DPYSL3: variants seen among roughly 807,000 people sequenced by gnomAD.
The protein encoded by DPYSL3 is dihydropyrimidinase like 3, also known as dihydropyrimidinase-related protein 3.
DPYSL3 carries 16 observed loss-of-function variants against 66.1 expected under a neutral mutation model. The observed-to-expected ratio is 0.24, with a 90% CI of 0.16 to 0.37. The LOEUF is 0.37. DPYSL3 is among the 10% of genes least tolerant of loss of function. DPYSL3 has a pLI of 1.00. For synonymous variants in DPYSL3, 338 were observed against 345.1 expected (o/e 0.98, Z 0.23); for missense variants, 738 against 916.2 (o/e 0.81, Z 2.51).
At chr5:147,411,183 A>G (rs764752242) in intron 6 of DPYSL3, among the ~76,000 whole-genome samples, 8 of 152,180 alleles carry the variant, frequency 5.3e-5, no homozygotes, top group Non-Finnish European at 1.0e-4. Flanking sequence ...TGGGCTCTCT[A>G]AAGAAAATGA....
chr5:147,480,689 T>C (rs991399221), intron 1 of DPYSL3, among the ~76,000 whole-genome samples: 1 of 142,442 alleles, frequency 7.0e-6, no homozygotes, highest in African/African-American at 2.7e-5. Context: ...AGTGCACACA[T>C]CATGAATATA....
rs1395427337 is a variant in DPYSL3 at position 147,399,268 on chromosome 5, A to G, written c.1453-16T>C. 2 of 1,612,414 alleles carry G rather than the reference A, an allele frequency of 1.2e-6. No homozygotes were observed. The highest frequency in any genetic ancestry group is 4.5e-5 in the East Asian group (2 of 44,866). On this transcript the variant is annotated splice_polypyrimidine_tract_variant and intron_variant, in intron 10 of 13. Transcript: ENST00000343218. ...TCCCTGTGGCCTATTGAAATATAAG[A>G]AATTATATCTATATCTATAGCTACA...
At chr5:147,452,939 A>C (rs2078128) in intron 1 of DPYSL3, among the ~76,000 whole-genome samples, 1,647 of 150,174 alleles carry the variant, frequency 0.011, 47 homozygotes, top group African/African-American at 0.039. Context: ...AAAGTTGATC[A>C]TTCCCACTGC....
At chr5:147,409,937 G>A (rs576915681) in intron 6 of DPYSL3, among the ~76,000 whole-genome samples, 3 of 152,126 alleles carry the variant, frequency 2.0e-5, no homozygotes, top group Non-Finnish European at 4.4e-5. Flanking sequence ...AAGAGGAGTA[G>A]AAAGGAAAAT....
chr5:147,456,209 A>G (rs912759900), intron 1 of DPYSL3, among the ~76,000 whole-genome samples: 1 of 152,244 alleles, frequency 6.6e-6, no homozygotes, highest in Non-Finnish European at 1.5e-5. Flanking sequence ...TTCCTTGGCC[A>G]TAAGAAAGGC....
chr5:147,457,418 A>G (rs1463852891), intron 1 of DPYSL3, among the ~76,000 whole-genome samples: 3 of 152,222 alleles, frequency 2.0e-5, no homozygotes, highest in Admixed American at 2.0e-4. Flanking sequence ...GAATGTAAGA[A>G]TTTTTTAAAA....
intron 1 of DPYSL3, among the ~76,000 whole-genome samples, chr5:147,493,491 C>A (rs1753447562): frequency 6.6e-6 from 1 of 151,874 alleles, no homozygotes; most frequent in South Asian, 2.1e-4. Context: ...GAGGGAAGAT[C>A]ACTTGGGCCT....
At chr5:147,474,042 C>T (rs1481494053) in intron 1 of DPYSL3, among the ~76,000 whole-genome samples, 1 of 152,020 alleles carries the variant, frequency 6.6e-6, no homozygotes, top group Non-Finnish European at 1.5e-5. Flanking sequence ...TCTATCCTGG[C>T]TACATAAAAT....
At chr5:147,419,014 T>C (rs1281896560) in intron 2 of DPYSL3, among the ~76,000 whole-genome samples, 1 of 152,168 alleles carries the variant, frequency 6.6e-6, no homozygotes, top group Non-Finnish European at 1.5e-5. Flanking sequence ...CTAAAGAGTA[T>C]AAAATAGTGC....
intron 1 of DPYSL3, among the ~76,000 whole-genome samples, chr5:147,496,798 G>A (rs1459935926): frequency 1.3e-5 from 2 of 151,788 alleles, no homozygotes; most frequent in African/African-American, 4.8e-5. Context: ...TTACACTGTT[G>A]GTGGGACTGT....
rs1031781681 is a variant in DPYSL3 at position 147,392,214 on chromosome 5, C to T, written c.*1821G>A. 6.6e-6 allele frequency: 1 copy of T among 152,214 alleles called. No individual in the cohort carries two copies. The highest frequency in any genetic ancestry group is 2.1e-4 in the South Asian group (1 of 4,832). The allele number at this position is 152,214 out of a possible 1,614,324, so 9.4% of individuals were successfully genotyped here. The stretch of plus-strand genomic sequence containing the variant: ...AAGAGCTACATTTTCCCTTTTACTA[C>T]ATCTCCCTTAAAAGAAAAGCACTAC... On this transcript the variant is annotated 3_prime_UTR_variant, in exon 14 of 14. Coordinates refer to ENST00000343218, the MANE Select transcript of DPYSL3 (RefSeq NM_001197294.2).
intron 1 of DPYSL3, among the ~76,000 whole-genome samples, chr5:147,429,413 T>G (rs570036301): frequency 6.6e-6 from 1 of 151,932 alleles, no homozygotes; most frequent in South Asian, 2.1e-4. Flanking sequence ...CAGAGCATCG[T>G]TTTTTTTCAT....
At chr5:147,442,713 C>T (rs1436642225) in intron 1 of DPYSL3, among the ~76,000 whole-genome samples, 1 of 151,790 alleles carries the variant, frequency 6.6e-6, no homozygotes, top group South Asian at 2.1e-4. Context: ...TAATATATAG[C>T]TATTAAAAAT....
chr5:147,509,439 A>C lies in DPYSL3; in HGVS notation c.381+39T>G, dbSNP rs1430850037. The C allele has an allele frequency of 1.4e-6, 2 of 1,467,084 alleles. No individual in the cohort carries two copies. The highest frequency in any genetic ancestry group is 1.8e-6 in the Non-Finnish European group (2 of 1,113,386). The allele number at this position is 1,467,084 out of a possible 1,614,324, so 90.9% of individuals were successfully genotyped here. On this transcript the variant is annotated intron_variant, in intron 1 of 13. Transcript: ENST00000343218. This position sits in a 1 kb window ranked among gnomAD's most constrained non-coding sequence, Gnocchi z 5.3. ...CATGGCGGCCAGGGCTGGAGAAAGGAACGAAGGCAAGGAGGGAAGTGACCC... is the reference window on the plus strand; with the variant it reads ...CATGGCGGCCAGGGCTGGAGAAAGGCACGAAGGCAAGGAGGGAAGTGACCC...
chr5:147,405,582 G>A (rs370870100), intron 8 of DPYSL3, 28 bp downstream of exon 8: 6 of 1,598,700 alleles, frequency 3.8e-6, no homozygotes, highest in African/African-American at 1.3e-5. Flanking sequence ...GCCATCAGGG[G>A]CTCCGAGATC....
intron 1 of DPYSL3, among the ~76,000 whole-genome samples, chr5:147,506,791 C>A (rs1245135621): frequency 6.6e-6 from 1 of 152,112 alleles, no homozygotes; most frequent in African/African-American, 2.4e-5. Context: ...AAGTTACATG[C>A]TTACAGTCAT....
rs923399549 is a variant in DPYSL3, at chr5:147,509,894, C to T, written c.-36G>A. The T allele has an allele frequency of 3.4e-5, 51 of 1,480,374 alleles. No individual in the cohort carries two copies. Among genetic ancestry groups the T allele is most frequent in the African/African-American group, 4.2e-5 (3 of 71,350 alleles). 91.7% of individuals were successfully genotyped at this position (1,480,374 alleles called of 1,614,324 possible). ...CGAAAGCGGCCCGCGGGTTTTTCTT[C>T]CCCAGAGGCGGAAAGGGCAGCCGCC... On this transcript the variant is annotated 5_prime_UTR_variant, in exon 1 of 14. Coordinates refer to ENST00000343218, the MANE Select transcript of DPYSL3 (RefSeq NM_001197294.2). This position sits in a 1 kb window ranked among gnomAD's most constrained non-coding sequence, Gnocchi z 5.3.
At chr5:147,502,769 G>A (rs1753631378) in intron 1 of DPYSL3, among the ~76,000 whole-genome samples, 1 of 151,910 alleles carries the variant, frequency 6.6e-6, no homozygotes, top group Non-Finnish European at 1.5e-5. Flanking sequence ...GTAGAGACGA[G>A]GTTTCACCGT....
chr5:147,400,938 G>T, intron 9 of DPYSL3, 105 bp from the exon 10 acceptor site: 2 of 1,408,842 alleles, frequency 1.4e-6, no homozygotes, highest in Non-Finnish European at 1.9e-6. Flanking sequence ...TGACTATTTG[G>T]GTTTGGAATG....
Sources: allele counts gnomAD v4.1 joint callset (sites outside exome capture counted in the v4.1 genomes callset), GRCh38; gene constraint gnomAD v4.1.1; non-coding constraint Gnocchi (gnomAD v3.1); transcripts MANE v1.5; gene names NCBI Gene and HGNC (gene_info 2026-07-23, HGNC 2026-07-21).